Variants in KATNAL1 observed in about 807,000 individuals in gnomAD.
The protein encoded by KATNAL1 is katanin catalytic subunit A1 like 1.
In KATNAL1, 32 loss-of-function variants were observed where a neutral mutation model predicts 55.2. The observed-to-expected ratio is 0.58, with a 90% CI of 0.44 to 0.78. KATNAL1 has a LOEUF of 0.78. Among genes scored for constraint, KATNAL1 ranks in the 30% least tolerant of loss-of-function variants. The pLI is 0.00. For missense variants in KATNAL1, 466 were observed against 600.9 expected (o/e 0.78, Z 2.35); for synonymous variants, 193 against 193.6 (o/e 1.00, Z 0.02).
intron 3 of KATNAL1, among the ~76,000 whole-genome samples, chr13:30,264,382 T>G (rs1345378207): frequency 7.7e-6 from 1 of 129,488 alleles, no homozygotes; most frequent in African/African-American, 2.8e-5. Context: ...AAATGGGATC[T>G]AATTAAACTA....
chr13:30,258,296 A>G (rs972932421), intron 3 of KATNAL1, among the ~76,000 whole-genome samples: 1 of 152,198 alleles, frequency 6.6e-6, no homozygotes, highest in Admixed American at 6.5e-5. Context: ...TCGAAATCCA[A>G]TACTTCCTCT....
chr13:30,281,144 A>G (rs1881269558), intron 2 of KATNAL1, among the ~76,000 whole-genome samples: 1 of 147,944 alleles, frequency 6.8e-6, no homozygotes, highest in African/African-American at 2.5e-5. Context: ...AAAAGAAAAG[A>G]AAAGAAAATT....
chr13:30,238,022 A>G (rs9551877), intron 6 of KATNAL1, among the ~76,000 whole-genome samples: 1 of 152,174 alleles, frequency 6.6e-6, no homozygotes, highest in African/African-American at 2.4e-5. Context: ...AGCCTAAACT[A>G]CTGCCAATCA....
chr13:30,272,385 A>G (rs2137510012), intron 3 of KATNAL1, among the ~76,000 whole-genome samples: 1 of 152,264 alleles, frequency 6.6e-6, no homozygotes, highest in Middle Eastern at 3.4e-3. Context: ...GCGACACAGC[A>G]AGACTTGGTC....
At chr13:30,222,733 T>C (rs1016773157) in intron 9 of KATNAL1, among the ~76,000 whole-genome samples, 2 of 152,184 alleles carry the variant, frequency 1.3e-5, no homozygotes, top group African/African-American at 4.8e-5. Context: ...AATAGCAAGA[T>C]GGCAGACTTA....
chr13:30,261,524 C>T (rs1483301415), intron 3 of KATNAL1, among the ~76,000 whole-genome samples: 8 of 152,104 alleles, frequency 5.3e-5, no homozygotes. Flanking sequence ...GGAGGAAGAT[C>T]TACCAAGCAA....
At chr13:30,294,691 C>T (rs1185330200) in intron 1 of KATNAL1, among the ~76,000 whole-genome samples, 1 of 152,214 alleles carries the variant, frequency 6.6e-6, no homozygotes, top group Admixed American at 6.5e-5. Flanking sequence ...AAATAGCCTT[C>T]TATTGGAAAA....
chr13:30,223,186 T>C (rs1351103417), intron 9 of KATNAL1, among the ~76,000 whole-genome samples: 1 of 152,016 alleles, frequency 6.6e-6, no homozygotes, highest in Non-Finnish European at 1.5e-5. Flanking sequence ...ACACCTGTAA[T>C]CCCAGCACTT....
intron 3 of KATNAL1, among the ~76,000 whole-genome samples, chr13:30,262,958 C>A (rs1879432184): frequency 6.6e-6 from 1 of 152,274 alleles, no homozygotes; most frequent in Non-Finnish European, 1.5e-5. Flanking sequence ...AACATTGATG[C>A]AAAAATCCTC....
intron 7 of KATNAL1, 44 bp from the exon 8 acceptor site, chr13:30,230,638 A>C: frequency 1.4e-6 from 2 of 1,443,790 alleles, no homozygotes; most frequent in Non-Finnish European, 1.9e-6. Flanking sequence ...AATCTCATAA[A>C]ACAATTGGAG....
intron 3 of KATNAL1, among the ~76,000 whole-genome samples, chr13:30,276,652 A>C (rs1363945727): frequency 6.6e-6 from 1 of 152,210 alleles, no homozygotes; most frequent in African/African-American, 2.4e-5. Context: ...AAATTTCATT[A>C]AGCATTTTCA....
At chr13:30,272,806 A>G (rs903217990) in intron 3 of KATNAL1, among the ~76,000 whole-genome samples, 13 of 152,166 alleles carry the variant, frequency 8.5e-5, no homozygotes, top group African/African-American at 2.9e-4. Flanking sequence ...AAAATAACCA[A>G]ATGGAACGTC....
rs941074525 is a variant in KATNAL1, at chr13:30,208,529, C to G, written c.*11G>C. 6.7e-7 allele frequency: 1 copy of G among 1,490,526 alleles called. No homozygotes were observed. The allele number at this position is 1,490,526 out of a possible 1,614,324, so 92.3% of individuals were successfully genotyped here. ...AACAAAAATACCAGAAATTAAAGAG[C>G]TGACAGAAATTCAAGCAGATCCAAA... On this transcript the variant is annotated 3_prime_UTR_variant, in exon 11 of 11. Transcript: ENST00000380615.
intron 9 of KATNAL1, among the ~76,000 whole-genome samples, chr13:30,221,188 C>G (rs777006505): frequency 6.6e-6 from 1 of 152,090 alleles, no homozygotes; most frequent in Non-Finnish European, 1.5e-5. Flanking sequence ...GAATATGTTA[C>G]AAAAATTAAG....
At chr13:30,274,954 G>C (rs112960992) in intron 3 of KATNAL1, among the ~76,000 whole-genome samples, 1,876 of 112,160 alleles carry the variant, frequency 0.017, 21 homozygotes, top group African/African-American at 0.047. Flanking sequence ...CACACACACA[G>C]GAATATTATT....
rs1283643194 is a variant in KATNAL1, at chr13:30,204,359, CA to C, written c.*4180del. ...GCAAAGAAAGACTCAATAACCTAGA[CA>C]ATACTGAAGGAACCGAAGTCCACTC... is the stretch of plus-strand genomic sequence containing the variant. On this transcript the variant is annotated 3_prime_UTR_variant, in exon 11 of 11. Coordinates refer to ENST00000380615, the MANE Select transcript of KATNAL1 (RefSeq NM_032116.5). 4.6e-5 allele frequency: 7 copies of C among 152,184 alleles called. No homozygotes were observed. Among genetic ancestry groups the C allele is most frequent in the Non-Finnish European group, 8.8e-5 (6 of 68,036 alleles). 9.4% of individuals were successfully genotyped at this position (152,184 alleles called of 1,614,324 possible). A position where few individuals can be genotyped will look rare whatever the true frequency, so the allele number is the denominator to read the frequency against.
At chr13:30,214,257 T>G (rs1466425187) in intron 9 of KATNAL1, among the ~76,000 whole-genome samples, 2 of 152,090 alleles carry the variant, frequency 1.3e-5, no homozygotes, top group Non-Finnish European at 2.9e-5. Flanking sequence ...AAACCACTCC[T>G]CAATGAAATA....
intron 10 of KATNAL1, among the ~76,000 whole-genome samples, chr13:30,209,956 T>A (rs1873506391): frequency 6.6e-6 from 1 of 152,170 alleles, no homozygotes. Flanking sequence ...TAATTTTTTG[T>A]ATTTTTTAGT....
intron 9 of KATNAL1, among the ~76,000 whole-genome samples, chr13:30,215,832 G>T (rs999358856): frequency 2.3e-4 from 35 of 152,048 alleles, no homozygotes; most frequent in Non-Finnish European, 1.5e-5. Flanking sequence ...GCTAAATGAC[G>T]AGTTAATGGG....
Sources: gnomAD v4.1 joint callset for allele counts (sites outside exome capture counted in the v4.1 genomes callset) on GRCh38, gnomAD v4.1.1 for gene constraint, MANE v1.5 for transcripts, NCBI Gene and HGNC (gene_info 2026-07-23, HGNC 2026-07-21) for gene names.